The following ANK2 variants were observed in gnomAD, a reference collection of about 807,000 sequenced individuals.
ANK2 encodes the protein ankyrin 2, also known as ankyrin-2.
Under a neutral mutation model 360.5 loss-of-function variants are expected in ANK2, and 83 were observed. That is an observed-to-expected ratio of 0.23 (90% CI 0.19 to 0.28). The LOEUF (loss-of-function observed/expected upper bound fraction) is 0.28, where lower values mean the gene tolerates loss of function less well. Among genes scored for constraint, ANK2 ranks in the 10% least tolerant of loss-of-function variants. The probability of loss-of-function intolerance (pLI) is 1.00; values close to 1 mark genes in which losing one functional copy is unlikely to be tolerated. For missense variants in ANK2, 4,201 were observed against 4,795.7 expected, an observed-to-expected ratio of 0.88 and a Z score of 3.66; for synonymous variants, 1,740 against 1,759.5, an observed-to-expected ratio of 0.99 and a Z score of 0.28.
At chr4:112,979,978 C>T (rs1245013727) in intron 2 of ANK2, 2 of 152,418 alleles carry the variant, frequency 1.3e-5, no homozygotes, top group African/African-American at 2.4e-5. Flanking sequence ...TGAGATTTCT[C>T]CGGAAACCCG....
At chr4:113,225,525 A>G (rs2153508417) in intron 4 of ANK2, among the ~76,000 whole-genome samples, 1 of 152,292 alleles carries the variant, frequency 6.6e-6, no homozygotes, top group South Asian at 2.1e-4. Context: ...AGGGAAGAAT[A>G]AAGTTATGCA....
At chr4:112,983,062 T>C (rs2043621206) in intron 2 of ANK2, among the ~76,000 whole-genome samples, 2 of 152,190 alleles carry the variant, frequency 1.3e-5, no homozygotes, top group Non-Finnish European at 2.9e-5. Flanking sequence ...AGTAACTATT[T>C]TTTATTTCTC....
intron 15 of ANK2, 107 bp downstream of exon 15, chr4:113,274,756 A>G (rs1265498208): frequency 8.6e-7 from 1 of 1,163,132 alleles, no homozygotes; most frequent in African/African-American, 1.6e-5. Context: ...TCAGGCCTTG[A>G]CTTACTTCCT....
chr4:113,275,072 A>G (rs1172703347), intron 15 of ANK2, among the ~76,000 whole-genome samples: 2 of 152,148 alleles, frequency 1.3e-5, no homozygotes, highest in East Asian at 3.9e-4. Flanking sequence ...TCGAAGCTCA[A>G]TTTACTTGTA....
chr4:112,780,117 G>T, the ANK2 span, among the ~76,000 whole-genome samples: 3 of 151,934 alleles, frequency 2.0e-5, no homozygotes, highest in South Asian at 6.2e-4. Flanking sequence ...AGTTACTTGG[G>T]GGGCTGAGTT....
At chr4:113,237,737 T>C in intron 7 of ANK2, 115 bp downstream of exon 7, 1 of 1,017,284 alleles carries the variant, frequency 9.8e-7, no homozygotes, top group East Asian at 2.4e-5. Flanking sequence ...TAATGGGAAA[T>C]TAATTTGAAA....
chr4:112,936,448 C>T (rs184495880), intron 2 of ANK2, among the ~76,000 whole-genome samples: 2,622 of 151,678 alleles, frequency 0.017, 34 homozygotes, highest in South Asian at 0.044. Context: ...GGCGTTCAAG[C>T]GATCCTCCTG....
intron 2 of ANK2, among the ~76,000 whole-genome samples, chr4:112,934,394 A>G (rs894653346): frequency 6.6e-6 from 1 of 152,178 alleles, no homozygotes; most frequent in African/African-American, 2.4e-5. Context: ...CTGTTGCTCC[A>G]TATCTTTCTA....
chr4:113,251,851 T>C (rs2046631353), intron 10 of ANK2, among the ~76,000 whole-genome samples: 1 of 151,862 alleles, frequency 6.6e-6, no homozygotes, highest in African/African-American at 2.4e-5. Flanking sequence ...AAGATAATTA[T>C]AAAAAATAGA....
At chr4:113,206,853 A>T (rs1160099011) in intron 4 of ANK2, among the ~76,000 whole-genome samples, 2 of 152,148 alleles carry the variant, frequency 1.3e-5, no homozygotes, top group Non-Finnish European at 2.9e-5. Context: ...GTGAAACTGC[A>T]TCTGTACTAA....
chr4:113,356,018 A>G lies in ANK2; in HGVS notation c.7400A>G (p.Asp2467Gly), dbSNP rs892703497. 6.2e-7 allele frequency: 1 copy of G among 1,614,042 alleles called. No individual in the cohort carries two copies. Among genetic ancestry groups the G allele is most frequent in the Non-Finnish European group, 8.5e-7 (1 of 1,179,956 alleles). The change falls in exon 38 of 46, where the codon GAC (aspartate) becomes GGC (glycine). Residue 2467 changes from aspartate to glycine, a missense_variant. Physicochemically the swap from Asp to Gly is moderately conservative, Grantham distance 94. Transcript: ENST00000357077. ...CCTCTGAAAGAATCCCCTTGCCGTG[A>G]CTCTCTGGAAAGCAGCCCTGTTGAA... ...PSPLKESPCR[D>G]SLESSPVEPK...
At chr4:112,971,266 C>A (rs943434205) in intron 2 of ANK2, among the ~76,000 whole-genome samples, 3 of 152,168 alleles carry the variant, frequency 2.0e-5, no homozygotes, top group Non-Finnish European at 2.9e-5. Flanking sequence ...AGCCATAAAG[C>A]ATACCTTAGG....
chr4:112,767,058 A>C, the ANK2 span, among the ~76,000 whole-genome samples: 1 of 152,228 alleles, frequency 6.6e-6, no homozygotes, highest in Non-Finnish European at 1.5e-5. Context: ...TATTTTGAAT[A>C]TCTTATGATG....
At chr4:112,850,025 A>G (rs779241246) in intron 1 of ANK2, among the ~76,000 whole-genome samples, 1 of 152,156 alleles carries the variant, frequency 6.6e-6, no homozygotes, top group Non-Finnish European at 1.5e-5. Flanking sequence ...CTTGGGCATC[A>G]GAGCTCCTGG....
intron 42 of ANK2, among the ~76,000 whole-genome samples, chr4:113,368,760 AC>A (rs2096626929): frequency 6.6e-6 from 1 of 152,172 alleles, no homozygotes; most frequent in African/African-American, 2.4e-5. Context: ...CCACTGAGCC[AC>A]CCTTGCCCCA....
In ANK2 at chr4:112,958,642, G is replaced by T. The variant is rs185674291; in HGVS notation, c.21+54128G>T. 2.0e-5 allele frequency among the ~76,000 whole-genome samples: 3 copies of T among 152,132 alleles called. No homozygotes were observed. In the East Asian group the frequency reaches 5.8e-4, roughly 30 times the overall value. ...GAGAGGGGGGAGAGGGAGAGGGAGA[G>T]GGAGAGGGCTGCTCTTGTTTTAAAG... On this transcript the variant is annotated intron_variant, in intron 2 of 30. Transcript: ENST00000503271.
intron 2 of ANK2, among the ~76,000 whole-genome samples, chr4:112,911,736 T>TA (rs1235286584): frequency 6.6e-6 from 1 of 152,066 alleles, no homozygotes; most frequent in Non-Finnish European, 1.5e-5. Flanking sequence ...GTCATTGAGA[T>TA]AAAAAAAGAA....
chr4:113,057,346 A>G (rs1220415601), intron 1 of ANK2, among the ~76,000 whole-genome samples: 2 of 152,180 alleles, frequency 1.3e-5, no homozygotes, highest in Non-Finnish European at 2.9e-5. Flanking sequence ...AGTAGTACAG[A>G]GCCGTAAGTT....
At chr4:113,101,894 A>G (rs931664635) in intron 1 of ANK2, among the ~76,000 whole-genome samples, 19 of 152,160 alleles carry the variant, frequency 1.2e-4, no homozygotes, top group African/African-American at 4.3e-4. Context: ...GGCAGAGGGA[A>G]GTACACATGC....
Sources: gnomAD v4.1 joint callset for allele counts (sites outside exome capture counted in the v4.1 genomes callset) on GRCh38, gnomAD v4.1.1 for gene constraint, MANE v1.5 for transcripts, NCBI Gene and HGNC (gene_info 2026-07-23, HGNC 2026-07-21) for gene names.